HSP90B1: variants seen among roughly 807,000 people sequenced by gnomAD.
HSP90B1 encodes heat shock protein 90 beta family member 1, also known as endoplasmin.
In HSP90B1, 27 loss-of-function variants were observed where a neutral mutation model predicts 100.4. That is an observed-to-expected ratio of 0.27 (90% CI 0.20 to 0.37). The LOEUF (loss-of-function observed/expected upper bound fraction) is 0.37, where lower values mean the gene tolerates loss of function less well. Among genes scored for constraint, HSP90B1 ranks in the 10% least tolerant of loss-of-function variants. The pLI is 1.00. For missense variants in HSP90B1, 678 were observed against 960.5 expected (o/e 0.71, Z 3.89); for synonymous variants, 304 against 330.8 (o/e 0.92, Z 0.88).
In HSP90B1 at chr12:103,938,298, G is replaced by A. The variant is rs764795476; in HGVS notation, c.856-42G>A. 8.7e-6 allele frequency: 13 copies of A among 1,494,202 alleles called. No individual in the cohort carries two copies. The South Asian group carries it at 1.7e-4, about 20-fold the overall frequency. 92.6% of individuals were successfully genotyped at this position (1,494,202 alleles called of 1,614,324 possible). A position where few individuals can be genotyped will look rare whatever the true frequency, so the allele number is the denominator to read the frequency against. ...ATATTCTGTAGACAAAATCAGAATTGTTAAACAAATGAGTTTAACCATAAT... is the reference window on the plus strand; with the variant it reads ...ATATTCTGTAGACAAAATCAGAATTATTAAACAAATGAGTTTAACCATAAT... On this transcript the variant is annotated intron_variant, in intron 6 of 17. Transcript: ENST00000299767.
intron 6 of HSP90B1, 156 bp from the exon 7 acceptor site, chr12:103,938,184 A>G: frequency 5.1e-6 from 3 of 587,668 alleles, no homozygotes; most frequent in Non-Finnish European, 5.7e-6. Flanking sequence ...AAAAAAAAAA[A>G]AGAATGAAGG....
In HSP90B1 at chr12:103,941,517, A is replaced by G. The variant is rs776315437; in HGVS notation, c.1200A>G (p.Glu400=). 9 of 1,614,140 alleles carry G rather than the reference A, an allele frequency of 5.6e-6. No individual in the cohort carries two copies. Among genetic ancestry groups the G allele is most frequent in the Non-Finnish European group, 6.8e-6 (8 of 1,179,984 alleles). Reference sequence around the variant, plus strand: ...CTGCTCCACGTGGTCTGTTTGACGAATATGGATCTAAAAAGAGCGATTACA... The same window carrying G: ...CTGCTCCACGTGGTCTGTTTGACGAGTATGGATCTAAAAAGAGCGATTACA... ...PTSAPRGLFD[E]YGSKKSDYIK... is the part of the protein sequence containing the mutation. Residue 400 remains glutamate, a synonymous_variant, in exon 9 of 18, where the codon GAA becomes GAG. Coordinates refer to ENST00000299767, the MANE Select transcript of HSP90B1 (RefSeq NM_003299.3).
At position 103,943,068 on chromosome 12, in the gene HSP90B1, T is replaced by G; in HGVS notation, c.1645-6T>G. Reference sequence around the variant, plus strand: ...TGGAAAACTTTGTGACTTCTTAATTTTGTAGGCTGAATCTTCTCCATTTGT... The same window carrying G: ...TGGAAAACTTTGTGACTTCTTAATTGTGTAGGCTGAATCTTCTCCATTTGT... On this transcript the variant is annotated splice_region_variant and splice_polypyrimidine_tract_variant and intron_variant, in intron 12 of 17. Coordinates refer to ENST00000299767, the MANE Select transcript of HSP90B1 (RefSeq NM_003299.3). The surrounding 1 kb of genome is among the most constrained non-coding windows in gnomAD (Gnocchi z 5.3). The G allele has an allele frequency of 6.2e-7, 1 of 1,613,416 alleles. No homozygotes were observed. The highest frequency in any genetic ancestry group is 2.2e-5 in the East Asian group (1 of 44,870).
intron 2 of HSP90B1, chr12:103,931,945 C>T: frequency 2.2e-6 from 1 of 447,174 alleles, no homozygotes; most frequent in Non-Finnish European, 4.1e-6. Flanking sequence ...GTCAGTTGAA[C>T]AATATTTTAA....
rs1365534606 is a variant in HSP90B1 at position 103,943,007 on chromosome 12, A to G, written c.1645-67A>G. 1.5e-5 allele frequency: 23 copies of G among 1,575,408 alleles called. No homozygotes were observed. The highest frequency in any genetic ancestry group is 1.9e-5 in the Non-Finnish European group (22 of 1,161,008). On this transcript the variant is annotated intron_variant, in intron 12 of 17. Coordinates refer to ENST00000299767, the MANE Select transcript of HSP90B1 (RefSeq NM_003299.3). This position sits in a 1 kb window ranked among gnomAD's most constrained non-coding sequence, Gnocchi z 5.3. ...GTTTTTAATAATGTATAAACATAGC[A>G]GCTGCTAGGATAAACAAATACACCA... is the stretch of plus-strand genomic sequence containing the variant.
In HSP90B1 at chr12:103,930,845, C is replaced by T. The variant is rs1269888449; in HGVS notation, c.49+281C>T. On this transcript the variant is annotated intron_variant, in intron 1 of 17. Transcript: ENST00000299767. The surrounding 1 kb of genome is among the most constrained non-coding windows in gnomAD (Gnocchi z 4.4). The stretch of plus-strand genomic sequence containing the variant: ...GGGGCCTCTCTGAGGCTCTGGCTCC[C>T]CCGGGAGCTGTGCGAGTCCCTCCCC... 2.6e-5 allele frequency among the ~76,000 whole-genome samples: 4 copies of T among 152,022 alleles called. No homozygotes were observed. Among genetic ancestry groups the T allele is most frequent in the Non-Finnish European group, 5.9e-5 (4 of 68,002 alleles).
intron 2 of HSP90B1, chr12:103,931,893 C>A: frequency 2.1e-6 from 1 of 475,784 alleles, no homozygotes; most frequent in Non-Finnish European, 3.9e-6. Context: ...GATTTGTATT[C>A]ATTAACTGTG....
In HSP90B1 at chr12:103,930,649, G is replaced by C; in HGVS notation, c.49+85G>C. ...TCCTGGGGGCGTTGAACGTGGGAGG[G>C]GGGATCCCGGGGCCTGCGGTGGGCC... is the stretch of plus-strand genomic sequence containing the variant. On this transcript the variant is annotated intron_variant, in intron 1 of 17. Transcript: ENST00000299767. This position sits in a 1 kb window ranked among gnomAD's most constrained non-coding sequence, Gnocchi z 4.4. The C allele has an allele frequency of 1.5e-6, 2 of 1,347,250 alleles. No individual in the cohort carries two copies. The highest frequency in any genetic ancestry group is 2.2e-5 in the Admixed American group (1 of 45,370). 83.5% of individuals were successfully genotyped at this position (1,347,250 alleles called of 1,614,324 possible).
intron 16 of HSP90B1, 58 bp downstream of exon 16, chr12:103,946,999 C>A: frequency 1.3e-6 from 2 of 1,531,870 alleles, no homozygotes; most frequent in Non-Finnish European, 1.8e-6. Flanking sequence ...TCTGTTCTTT[C>A]AGAATAGGCC....
rs1808814838 is a variant in HSP90B1 at position 103,947,914 on chromosome 12, A to C, written c.*252A>C. The stretch of plus-strand genomic sequence containing the variant: ...TCTTGTCATGTGTATAAAAATAAAA[A>C]AGATCCCAAATACTCAGTGTCTTGA... On this transcript the variant is annotated 3_prime_UTR_variant, in exon 18 of 18. Transcript: ENST00000299767. The C allele has an allele frequency of 2.0e-6, 1 of 495,248 alleles. No individual in the cohort carries two copies. The highest frequency in any genetic ancestry group is 2.0e-5 in the African/African-American group (1 of 50,946). 30.7% of individuals were successfully genotyped at this position (495,248 alleles called of 1,614,324 possible).
intron 2 of HSP90B1, 144 bp downstream of exon 2, chr12:103,931,767 T>A (rs1164748551): frequency 2.9e-6 from 2 of 692,506 alleles, no homozygotes; most frequent in Non-Finnish European, 5.3e-6. Context: ...TGTGCATACA[T>A]ACCTCCTAAC....
rs1177091776 is a variant in HSP90B1 at position 103,939,557 on chromosome 12, A to G, written c.1024A>G (p.Ile342Val). Residue 342 changes from isoleucine (I) to valine (V), a missense_variant, in exon 8 of 18, where the codon ATA becomes GTA. Around this residue, in one of 8 missense-constraint regions of HSP90B1, gnomAD observed 238 missense variants for 346.7 expected, o/e 0.69. Coordinates refer to ENST00000299767, the MANE Select transcript of HSP90B1 (RefSeq NM_003299.3). Reference sequence around the variant, plus strand: ...GGAACTTATGAATGATATCAAACCAATATGGCAGAGACCATCAAAAGAAGT... The same window carrying G: ...GGAACTTATGAATGATATCAAACCAGTATGGCAGAGACCATCAAAAGAAGT... ...DWELMNDIKP[I>V]WQRPSKEVEE... 3 of 1,586,322 alleles carry G rather than the reference A, an allele frequency of 1.9e-6. No individual in the cohort carries two copies. The highest frequency in any genetic ancestry group is 1.4e-5 in the African/African-American group (1 of 73,064).
intron 4 of HSP90B1, 79 bp from the exon 5 acceptor site, chr12:103,933,877 A>G: frequency 8.6e-7 from 1 of 1,163,672 alleles, no homozygotes; most frequent in Non-Finnish European, 1.2e-6. Context: ...ATGGGACCCA[A>G]AGCTGGTTAG....
At position 103,947,774 on chromosome 12, in the gene HSP90B1, T is replaced by A; in HGVS notation, c.*112T>A. 1 of 917,700 alleles carries A rather than the reference T, an allele frequency of 1.1e-6. No homozygotes were observed. The highest frequency in any genetic ancestry group is 1.4e-5 in the South Asian group (1 of 71,584). The allele number at this position is 917,700 out of a possible 1,614,324, so 56.8% of individuals were successfully genotyped here. A position where few individuals can be genotyped will look rare whatever the true frequency, so the allele number is the denominator to read the frequency against. On this transcript the variant is annotated 3_prime_UTR_variant, in exon 18 of 18. Coordinates refer to ENST00000299767, the MANE Select transcript of HSP90B1 (RefSeq NM_003299.3). ...CCCCTAATCCCCTTCTCCCCTGCAC[T>A]GTAAAATGTGGGATTATGGGTCACA...
At chr12:103,945,745 C>G (rs929791000) in intron 14 of HSP90B1, among the ~76,000 whole-genome samples, 4 of 152,124 alleles carry the variant, frequency 2.6e-5, no homozygotes, top group African/African-American at 9.7e-5. Flanking sequence ...TTTCATTTTT[C>G]ATCTAACCGT....
chr12:103,931,726 A>G, intron 2 of HSP90B1, 103 bp downstream of exon 2: 2 of 819,860 alleles, frequency 2.4e-6, no homozygotes, highest in East Asian at 2.7e-5. Context: ...GATAAAGTCT[A>G]ACACCCTGTA....
rs1286221590 is a variant in HSP90B1 at position 103,947,395 on chromosome 12, G to C, written c.2347G>C (p.Asp783His). Residue 783 changes from aspartate to histidine, a missense_variant, in exon 17 of 18, where the codon GAT (aspartate) becomes CAT (histidine). By Grantham distance (81) the Asp-to-His change is moderately conservative. Transcript: ENST00000299767. Reference protein sequence around the residue: ...DTEQDEDEEMDVGTDEEEETA... With the variant: ...DTEQDEDEEMHVGTDEEEETA... ...AGAGCAAGACGAAGATGAAGAAATGGATGTGGGAACAGATGAAGAAGAAGA... is the reference window on the plus strand; with the variant it reads ...AGAGCAAGACGAAGATGAAGAAATGCATGTGGGAACAGATGAAGAAGAAGA... 4 of 1,611,650 alleles carry C rather than the reference G, an allele frequency of 2.5e-6. No individual in the cohort carries two copies. The highest frequency in any genetic ancestry group is 3.4e-6 in the Non-Finnish European group (4 of 1,178,406).
chr12:103,932,350 T>C lies in HSP90B1; in HGVS notation c.226T>C (p.Phe76Leu). The C allele has an allele frequency of 6.2e-7, 1 of 1,613,368 alleles. No homozygotes were observed. The highest frequency in any genetic ancestry group is 2.2e-5 in the East Asian group (1 of 44,804). Residue 76 changes from phenylalanine (F) to leucine (L), a missense_variant, in exon 3 of 18, where the codon TTT becomes CTT. Phe to Leu is a conservative substitution (Grantham distance 22). Transcript: ENST00000299767. ...AGAACTTAGAGAGAAGTCGGAAAAG[T>C]TTGCCTTCCAAGCCGAAGTTAACAG... ...IRELREKSEKFAFQAEVNRMM... is the reference protein window; with the variant it reads ...IRELREKSEKLAFQAEVNRMM...
At chr12:103,941,594 AT>A in intron 9 of HSP90B1, 34 bp from the exon 10 acceptor site, 1 of 1,613,808 alleles carries the variant, frequency 6.2e-7, no homozygotes, top group Non-Finnish European at 8.5e-7. Context: ...TGAAAGTTTA[AT>A]TTCCAGAAAG....
Sources: gnomAD v4.1 joint callset for allele counts (sites outside exome capture counted in the v4.1 genomes callset) on GRCh38, gnomAD v4.1.1 for gene constraint, gnomAD v4.1.1 regional missense constraint, Gnocchi (gnomAD v3.1) non-coding constraint, MANE v1.5 for transcripts, NCBI Gene and HGNC (gene_info 2026-07-23, HGNC 2026-07-21) for gene names.